KCNN2: variants seen among roughly 807,000 people sequenced by gnomAD.
KCNN2 encodes potassium calcium-activated channel subfamily N member 2, also known as small conductance calcium-activated potassium channel protein 2.
KCNN2 carries 24 observed loss-of-function variants against 55.5 expected under a neutral mutation model. The observed-to-expected ratio is 0.43, with a 90% confidence interval of 0.31 to 0.61. The LOEUF (loss-of-function observed/expected upper bound fraction) is 0.61. KCNN2 is among the 20% of genes least tolerant of loss of function. KCNN2 has a pLI of 0.08. For synonymous variants in KCNN2, 431 were observed against 336.1 expected, an observed-to-expected ratio of 1.28 and a Z score of -3.09; for missense variants, 754 against 853.6, an observed-to-expected ratio of 0.88 and a Z score of 1.45.
At chr5:114,159,213 G>A (rs1459313270) in intron 1 of KCNN2, among the ~76,000 whole-genome samples, 3 of 152,102 alleles carry the variant, frequency 2.0e-5, no homozygotes, top group Non-Finnish European at 2.9e-5. Flanking sequence ...TTAGCATGAA[G>A]GGTTGTTGAA....
chr5:114,358,363 G>C (rs1260852571), upstream of KCNN2, among the ~76,000 whole-genome samples: 1 of 152,134 alleles, frequency 6.6e-6, no homozygotes, highest in Non-Finnish European at 1.5e-5. Context: ...AAGAAAATGT[G>C]TTTGTGTGTG....
At chr5:114,432,873 C>T (rs907568769) in intron 3 of KCNN2, among the ~76,000 whole-genome samples, 1 of 152,232 alleles carries the variant, frequency 6.6e-6, no homozygotes, top group Non-Finnish European at 1.5e-5. Context: ...TGCCAGCTCA[C>T]CAGCGCTGCG....
At chr5:114,163,123 C>G (rs898832340) in intron 1 of KCNN2, among the ~76,000 whole-genome samples, 1 of 152,126 alleles carries the variant, frequency 6.6e-6, no homozygotes. Context: ...TGGAGCTGTT[C>G]CTATTTGGCC....
At chr5:114,389,300 GC>G (rs1758389991) in intron 2 of KCNN2, among the ~76,000 whole-genome samples, 1 of 152,178 alleles carries the variant, frequency 6.6e-6, no homozygotes, top group East Asian at 1.9e-4. Flanking sequence ...GTTGTCATTG[GC>G]ATTGTCTCTG....
intron 2 of KCNN2, among the ~76,000 whole-genome samples, chr5:114,227,583 A>G (rs962354604): frequency 1.3e-5 from 2 of 152,186 alleles, no homozygotes; most frequent in African/African-American, 4.8e-5. Flanking sequence ...GAGCACCATC[A>G]TTGTGCCTTG....
chr5:114,481,222 C>G (rs2150132046), intron 5 of KCNN2, among the ~76,000 whole-genome samples: 1 of 152,142 alleles, frequency 6.6e-6, no homozygotes, highest in South Asian at 2.1e-4. Flanking sequence ...AGCAGAGAGC[C>G]AAATCATGAA....
At chr5:114,076,936 C>T (rs1428961443) in intron 1 of KCNN2, among the ~76,000 whole-genome samples, 1 of 152,150 alleles carries the variant, frequency 6.6e-6, no homozygotes. Context: ...CTCAGGTGAT[C>T]CACCCACCTC....
chr5:114,224,836 T>C (rs1754209222), intron 2 of KCNN2, among the ~76,000 whole-genome samples: 2 of 152,092 alleles, frequency 1.3e-5, no homozygotes, highest in African/African-American at 2.4e-5. Flanking sequence ...CTCCTTAGAA[T>C]GCTGTGACAT....
chr5:114,354,517 A>G (rs1174084222), intron 2 of KCNN2, among the ~76,000 whole-genome samples: 2 of 152,116 alleles, frequency 1.3e-5, no homozygotes, highest in Non-Finnish European at 2.9e-5. Flanking sequence ...GATTAAGCCA[A>G]TACATATGAA....
At chr5:114,224,156 T>C (rs1432758453) in intron 2 of KCNN2, among the ~76,000 whole-genome samples, 1 of 152,096 alleles carries the variant, frequency 6.6e-6, no homozygotes, top group Non-Finnish European at 1.5e-5. Context: ...AGAACTGTGG[T>C]TTTCAGAGTC....
intron 1 of KCNN2, among the ~76,000 whole-genome samples, chr5:114,135,228 A>C (rs1287950460): frequency 6.6e-6 from 1 of 152,082 alleles, no homozygotes; most frequent in African/African-American, 2.4e-5. Context: ...GTGAGGGTGA[A>C]GGTGGAGATA....
At chr5:114,074,234 CTT>C (rs1453350915) in intron 1 of KCNN2, among the ~76,000 whole-genome samples, 1 of 151,864 alleles carries the variant, frequency 6.6e-6, no homozygotes, top group Non-Finnish European at 1.5e-5. Context: ...AAGTATCTCT[CTT>C]GTTACCCATC....
chr5:114,441,178 C>T (rs906630032), intron 3 of KCNN2, among the ~76,000 whole-genome samples: 1 of 151,890 alleles, frequency 6.6e-6, no homozygotes, highest in Non-Finnish European at 1.5e-5. Flanking sequence ...AATTATATAG[C>T]CTCAAAATAT....
intron 1 of KCNN2, among the ~76,000 whole-genome samples, chr5:114,139,251 G>A (rs971102707): frequency 6.6e-6 from 1 of 151,898 alleles, no homozygotes; most frequent in Non-Finnish European, 1.5e-5. Flanking sequence ...TTGCATACTT[G>A]ATAATTTTGT....
At chr5:114,486,426 C>T (rs916655040) in intron 5 of KCNN2, among the ~76,000 whole-genome samples, 3 of 152,202 alleles carry the variant, frequency 2.0e-5, no homozygotes, top group Non-Finnish European at 4.4e-5. Context: ...AGTGTTACTG[C>T]AGTGCTTTCA....
At chr5:114,209,093 G>C (rs556173966) in intron 1 of KCNN2, among the ~76,000 whole-genome samples, 1 of 148,242 alleles carries the variant, frequency 6.7e-6, no homozygotes, top group African/African-American at 2.5e-5. Context: ...GTCTCGCTCT[G>C]TTGCCCAGGC....
At chr5:114,346,700 G>A (rs1008601183) in intron 2 of KCNN2, among the ~76,000 whole-genome samples, 37 of 147,886 alleles carry the variant, frequency 2.5e-4, no homozygotes, top group Admixed American at 1.4e-3. Context: ...GAAAGGGCCT[G>A]TAAAAAATGA....
intron 1 of KCNN2, among the ~76,000 whole-genome samples, chr5:114,158,776 G>T (rs1285629512): frequency 6.6e-6 from 1 of 151,922 alleles, no homozygotes; most frequent in South Asian, 2.1e-4. Context: ...TTGTGAATGG[G>T]AGTTCACTCA....
At chr5:114,393,149 A>G (rs1470365770) in intron 2 of KCNN2, among the ~76,000 whole-genome samples, 2 of 152,158 alleles carry the variant, frequency 1.3e-5, no homozygotes, top group African/African-American at 2.4e-5. Context: ...GCTCTTCCAC[A>G]TCAAACACTG....
Sources: allele counts gnomAD v4.1 joint callset (sites outside exome capture counted in the v4.1 genomes callset), GRCh38; gene constraint gnomAD v4.1.1; transcripts MANE v1.5; gene names NCBI Gene and HGNC (gene_info 2026-07-23, HGNC 2026-07-21).